SYNE1: variants seen among roughly 807,000 people sequenced by gnomAD.
SYNE1 encodes spectrin repeat containing nuclear envelope protein 1.
In SYNE1, 616 loss-of-function variants were observed where a neutral mutation model predicts 1,111.0. The ratio of observed to expected loss-of-function variants is 0.55; its 90% CI spans 0.52 to 0.59. The LOEUF is 0.59. Among genes scored for constraint, SYNE1 ranks in the 20% least tolerant of loss-of-function variants. The pLI, the probability that SYNE1 is intolerant of heterozygous loss-of-function variation, is 0.00. For missense variants in SYNE1, 10,006 were observed against 10,417.0 expected (o/e 0.96, Z 1.72); for synonymous variants, 3,855 against 3,825.8 (o/e 1.01, Z -0.28).
At chr6:152,304,544 G>A (rs937014577) in intron 91 of SYNE1, among the ~76,000 whole-genome samples, 8 of 151,910 alleles carry the variant, frequency 5.3e-5, no homozygotes, top group African/African-American at 1.2e-4. Context: ...AGCTGGTCTC[G>A]AACTCCTGAT....
intron 3 of SYNE1, chr6:152,546,874 T>C (rs1166733751): frequency 1.3e-5 from 2 of 152,182 alleles, no homozygotes; most frequent in Non-Finnish European, 1.5e-5. Context: ...CTGGTTTAAG[T>C]ACAAATGAAT....
At chr6:152,214,654 A>G (rs1299525623) in intron 122 of SYNE1, among the ~76,000 whole-genome samples, 1 of 152,150 alleles carries the variant, frequency 6.6e-6, no homozygotes, top group African/African-American at 2.4e-5. Flanking sequence ...TCTGCCTTCC[A>G]CTGTGTGAGG....
chr6:152,149,878 C>T (rs113917760), intron 135 of SYNE1, among the ~76,000 whole-genome samples: 231 of 152,204 alleles, frequency 1.5e-3, no homozygotes, highest in African/African-American at 5.2e-3. Context: ...TAGAAACATT[C>T]GAATTCCATG....
intron 28 of SYNE1, among the ~76,000 whole-genome samples, chr6:152,448,855 A>G (rs2098620262): frequency 6.6e-6 from 1 of 152,066 alleles, no homozygotes; most frequent in African/African-American, 2.4e-5. Context: ...CAAACAAACA[A>G]ACAAACAAAC....
intron 123 of SYNE1, among the ~76,000 whole-genome samples, chr6:152,212,409 T>C (rs2077693911): frequency 6.6e-6 from 1 of 152,182 alleles, no homozygotes; most frequent in South Asian, 2.1e-4. Flanking sequence ...TTCTTTCCCT[T>C]GGCATAATGT....
intron 120 of SYNE1, among the ~76,000 whole-genome samples, 189 bp downstream of exon 120, chr6:152,218,814 C>G (rs2079376413): frequency 2.0e-5 from 3 of 148,564 alleles, no homozygotes. Context: ...TTTAAAATTC[C>G]TTGGCAGAGA....
chr6:152,353,398 A>C lies in SYNE1; in HGVS notation c.11118T>G (p.Ser3706Arg), dbSNP rs774823321. Reference sequence around the variant, plus strand: ...TGAGGGATGATTCTGATTCCTCCAAACTCTGAATCTCCTCCTCCAGGAATT... The same window carrying C: ...TGAGGGATGATTCTGATTCCTCCAACCTCTGAATCTCCTCCTCCAGGAATT... ...QIKFLEEEIQ[S>R]LEESESSLSS... Residue 3706 changes from serine to arginine, a missense_variant, in exon 69 of 146, where the codon AGT becomes AGG. Around this residue, in one of 7 missense-constraint regions of SYNE1, gnomAD observed 4,955 missense variants for 5,017.2 expected, o/e 0.99. Transcript: ENST00000367255. 1 of 1,614,116 alleles carries C rather than the reference A, an allele frequency of 6.2e-7. No homozygotes were observed. The highest frequency in any genetic ancestry group is 8.5e-7 in the Non-Finnish European group (1 of 1,180,032).
intron 125 of SYNE1, 75 bp from the exon 126 acceptor site, chr6:152,206,437 C>T: frequency 6.4e-7 from 1 of 1,557,242 alleles, no homozygotes; most frequent in South Asian, 1.1e-5. Flanking sequence ...TTTTAAATGG[C>T]CCTAACTTTT....
At chr6:152,222,775 G>C (rs2080479852) in intron 117 of SYNE1, among the ~76,000 whole-genome samples, 1 of 152,176 alleles carries the variant, frequency 6.6e-6, no homozygotes, top group African/African-American at 2.4e-5. Flanking sequence ...AAGGAACATA[G>C]TTTCAGCTAC....
At chr6:152,124,621 A>G (rs1031005648) in intron 145 of SYNE1, among the ~76,000 whole-genome samples, 5 of 152,226 alleles carry the variant, frequency 3.3e-5, no homozygotes, top group African/African-American at 9.6e-5. Context: ...CAAGAGCTCA[A>G]TCACCATCTA....
intron 41 of SYNE1, among the ~76,000 whole-genome samples, chr6:152,414,308 C>CT (rs1334990776): frequency 2.0e-5 from 3 of 151,892 alleles, no homozygotes; most frequent in Non-Finnish European, 4.4e-5. Context: ...ATTTGGGAGG[C>CT]TGAGGCTGGA....
At chr6:152,363,436 G>T (rs916640579) in intron 63 of SYNE1, among the ~76,000 whole-genome samples, 2 of 150,880 alleles carry the variant, frequency 1.3e-5, no homozygotes, top group Non-Finnish European at 3.0e-5. Flanking sequence ...GGAGCTCGCA[G>T]TGAGCCGAGA....
At chr6:152,178,983 G>A (rs913896137) in intron 129 of SYNE1, among the ~76,000 whole-genome samples, 6 of 145,776 alleles carry the variant, frequency 4.1e-5, no homozygotes, top group African/African-American at 1.3e-4. Context: ...GCACAATCTC[G>A]GCTCACTGCA....
chr6:152,171,101 T>G (rs774523280), intron 130 of SYNE1, among the ~76,000 whole-genome samples: 10 of 152,234 alleles, frequency 6.6e-5, no homozygotes, highest in Admixed American at 3.3e-4. Context: ...ATGTTTTTCT[T>G]TATAAATCAC....
Position 152,122,425 on chromosome 6 carries a change from A to T in SYNE1, c.*11T>A, listed in dbSNP as rs763552238. On this transcript the variant is annotated 3_prime_UTR_variant, in exon 146 of 146. Coordinates refer to ENST00000367255, the MANE Select transcript of SYNE1 (RefSeq NM_182961.4). ...TGCTACCAGCACTTCTGCAGATGGC[A>T]TCTGCTTAGTTCAGAGTGGAGGAGG... 17 of 1,613,982 alleles carry T rather than the reference A, an allele frequency of 1.1e-5. No individual in the cohort carries two copies. The South Asian group carries it at 1.8e-4, about 17-fold the overall frequency.
At chr6:152,381,643 TG>T in intron 55 of SYNE1, 2 of 478,914 alleles carry the variant, frequency 4.2e-6, no homozygotes, top group South Asian at 4.3e-5. Context: ...CACGTGAAAA[TG>T]TTTAGTGACT....
At chr6:152,513,390 G>A (rs1372670884) in intron 6 of SYNE1, among the ~76,000 whole-genome samples, 1 of 152,020 alleles carries the variant, frequency 6.6e-6, no homozygotes, top group Non-Finnish European at 1.5e-5. Context: ...CTGTTGCCTA[G>A]GAGGGAATGC....
chr6:152,392,346 G>C (rs11751196), intron 51 of SYNE1, among the ~76,000 whole-genome samples: 2 of 152,106 alleles, frequency 1.3e-5, no homozygotes, highest in African/African-American at 4.8e-5. Context: ...GCTCATCTTA[G>C]TTTGGAGCCA....
chr6:152,179,938 C>T (rs1445651889), intron 129 of SYNE1, among the ~76,000 whole-genome samples, 198 bp downstream of exon 129: 1 of 151,782 alleles, frequency 6.6e-6, no homozygotes, highest in Non-Finnish European at 1.5e-5. Context: ...CCACCTCAGC[C>T]TCCCAAAGTG....
Sources: allele counts gnomAD v4.1 joint callset (sites outside exome capture counted in the v4.1 genomes callset), GRCh38; gene constraint gnomAD v4.1.1; regional missense constraint gnomAD v4.1.1; transcripts MANE v1.5; gene names NCBI Gene and HGNC (gene_info 2026-07-23, HGNC 2026-07-21).